Variants in GAB1 observed in about 807,000 individuals in gnomAD.
GAB1 encodes the protein GRB2-associated-binding protein 1.
In GAB1, 19 loss-of-function variants were observed where a neutral mutation model predicts 66.5. The observed-to-expected ratio is 0.29, with a 90% CI of 0.20 to 0.42. The LOEUF (loss-of-function observed/expected upper bound fraction) is 0.42. GAB1 is among the 10% of genes least tolerant of loss of function. The probability of loss-of-function intolerance (pLI) is 1.00; values close to 1 mark genes in which losing one functional copy is unlikely to be tolerated. For synonymous variants in GAB1, 294 were observed against 301.4 expected, an observed-to-expected ratio of 0.98 and a Z score of 0.25; for missense variants, 732 against 858.5, an observed-to-expected ratio of 0.85 and a Z score of 1.84.
intron 6 of GAB1, among the ~76,000 whole-genome samples, chr4:143,452,232 T>C (rs974500037): frequency 1.3e-5 from 2 of 152,136 alleles, no homozygotes; most frequent in Non-Finnish European, 2.9e-5. Flanking sequence ...GCGTAGCCAC[T>C]GTGCGTGGCC....
chr4:143,409,294 A>C (rs1732231400), intron 1 of GAB1, among the ~76,000 whole-genome samples: 1 of 152,038 alleles, frequency 6.6e-6, no homozygotes, highest in South Asian at 2.1e-4. Context: ...GAGGTGAGAG[A>C]TTGGAGAGAT....
At position 143,467,263 on chromosome 4, in the gene GAB1, TTCC is replaced by T. The variant is rs1735840704; in HGVS notation, c.1926+1039_1926+1041del. Among the ~76,000 whole-genome samples the T allele has an allele frequency of 2.6e-5, 4 of 152,360 alleles. No individual in the cohort carries two copies. In the South Asian group the frequency reaches 8.3e-4, roughly 32 times the overall value. ...AAAATTGCTGTCAGTCTAATTGTAATTCCCTTGTAGATAATGTCTTTTCTGACT... is the reference window on the plus strand; with the variant it reads ...AAAATTGCTGTCAGTCTAATTGTAATCTTGTAGATAATGTCTTTTCTGACT... On this transcript the variant is annotated intron_variant, in intron 9 of 9. Transcript: ENST00000262994.
At chr4:143,355,638 T>G (rs1316420992) in intron 1 of GAB1, among the ~76,000 whole-genome samples, 1 of 152,118 alleles carries the variant, frequency 6.6e-6, no homozygotes, top group Non-Finnish European at 1.5e-5. Context: ...GTTTGCTCCT[T>G]CACAGTAGTA....
At chr4:143,368,719 CTTT>C (rs1051248401) in intron 1 of GAB1, among the ~76,000 whole-genome samples, 1 of 152,048 alleles carries the variant, frequency 6.6e-6, no homozygotes, top group African/African-American at 2.4e-5. Context: ...CTCACCTGCT[CTTT>C]TGTTTGCTTG....
intron 1 of GAB1, among the ~76,000 whole-genome samples, chr4:143,379,026 G>A (rs1393621257): frequency 2.0e-5 from 3 of 152,096 alleles, no homozygotes; most frequent in African/African-American, 7.2e-5. Flanking sequence ...CCCCAAACCC[G>A]AGGAGCTTTT....
At chr4:143,432,058 C>G (rs1733686814) in intron 2 of GAB1, among the ~76,000 whole-genome samples, 1 of 152,274 alleles carries the variant, frequency 6.6e-6, no homozygotes, top group Admixed American at 6.5e-5. Flanking sequence ...AAAAAGATGC[C>G]TGGGGAAGAA....
At position 143,469,553 on chromosome 4, in the gene GAB1, C is replaced by T. The variant is rs1395683024; in HGVS notation, c.*364C>T. 5.4e-6 allele frequency: 1 copy of T among 185,336 alleles called. No individual in the cohort carries two copies. The highest frequency in any genetic ancestry group is 1.2e-5 in the Non-Finnish European group (1 of 85,758). The allele number at this position is 185,336 out of a possible 1,614,324, so 11.5% of individuals were successfully genotyped here. On this transcript the variant is annotated 3_prime_UTR_variant, in exon 10 of 10. Transcript: ENST00000262994. ...TTGGGAGTTCTTGTTTTTTGTCACACTACTTTATATAACAATACTAAGTCA... is the reference window on the plus strand; with the variant it reads ...TTGGGAGTTCTTGTTTTTTGTCACATTACTTTATATAACAATACTAAGTCA...
intron 6 of GAB1, among the ~76,000 whole-genome samples, chr4:143,445,336 G>A (rs1734450868): frequency 6.6e-6 from 1 of 152,136 alleles, no homozygotes; most frequent in African/African-American, 2.4e-5. Flanking sequence ...GCATTTCTCT[G>A]ATGATTAGTG....
rs1403030625 is a variant in GAB1 at position 143,474,464 on chromosome 4, G to C, written c.*5275G>C. On this transcript the variant is annotated 3_prime_UTR_variant, in exon 10 of 10. Transcript: ENST00000262994. ...AACTTGGTGAGGCTATGGCGCCCAT[G>C]TGTTTGGTCAAACACTAGCCTAGAT... is the stretch of plus-strand genomic sequence containing the variant. The C allele has an allele frequency of 6.6e-6, 1 of 152,214 alleles. No individual in the cohort carries two copies. Among genetic ancestry groups the C allele is most frequent in the East Asian group, 1.9e-4 (1 of 5,202 alleles). 9.4% of individuals were successfully genotyped at this position (152,214 alleles called of 1,614,324 possible).
intron 1 of GAB1, among the ~76,000 whole-genome samples, chr4:143,409,693 A>G (rs947060132): frequency 2.0e-5 from 3 of 152,090 alleles, no homozygotes; most frequent in Non-Finnish European, 4.4e-5. Context: ...TGGGGAGGAA[A>G]GGGGAAGGTT....
chr4:143,426,796 AC>A (rs543812091), intron 2 of GAB1, among the ~76,000 whole-genome samples: 130 of 152,372 alleles, frequency 8.5e-4, no homozygotes, highest in African/African-American at 3.1e-3. Context: ...AGCTAAATAA[AC>A]ATGCTTGTGG....
intron 1 of GAB1, among the ~76,000 whole-genome samples, chr4:143,344,579 T>C (rs2149642663): frequency 6.6e-6 from 1 of 152,324 alleles, no homozygotes; most frequent in East Asian, 1.9e-4. Flanking sequence ...AGTGGCCCAT[T>C]GTACTGTGGA....
Position 143,337,079 on chromosome 4 carries a change from G to A in GAB1, c.-110G>A. On this transcript the variant is annotated 5_prime_UTR_variant, in exon 1 of 10. Transcript: ENST00000262994. ...TCCGCCCAGTCCGTCCGGGGTGCGC[G>A]ACCAGGAGAGCTAGGTTCTCGCCAC... 1 of 921,760 alleles carries A rather than the reference G, an allele frequency of 1.1e-6. No individual in the cohort carries two copies. The allele number at this position is 921,760 out of a possible 1,614,324, so 57.1% of individuals were successfully genotyped here.
intron 3 of GAB1, among the ~76,000 whole-genome samples, chr4:143,436,616 G>T (rs1350406872): frequency 6.6e-6 from 1 of 152,126 alleles, no homozygotes; most frequent in African/African-American, 2.4e-5. Context: ...AAGAAGAAGG[G>T]CTCGGTGCCT....
At chr4:143,419,872 A>T (rs980674973) in intron 2 of GAB1, among the ~76,000 whole-genome samples, 23 of 152,274 alleles carry the variant, frequency 1.5e-4, no homozygotes, top group Middle Eastern at 3.4e-3. Flanking sequence ...TGTAGTATTA[A>T]GCAGCCAAAA....
At chr4:143,460,187 ATATT>A (rs1456883127) in intron 7 of GAB1, among the ~76,000 whole-genome samples, 173 bp from the exon 8 acceptor site, 1 of 152,188 alleles carries the variant, frequency 6.6e-6, no homozygotes, top group Non-Finnish European at 1.5e-5. Flanking sequence ...ACAATTATAA[ATATT>A]AGTTATGTGT....
chr4:143,377,992 G>A (rs1389821924), intron 1 of GAB1, among the ~76,000 whole-genome samples: 1 of 152,164 alleles, frequency 6.6e-6, no homozygotes, highest in African/African-American at 2.4e-5. Flanking sequence ...TACACGTGGT[G>A]GCAAAGTTTC....
At chr4:143,367,784 G>A (rs896742358) in intron 1 of GAB1, among the ~76,000 whole-genome samples, 1 of 143,628 alleles carries the variant, frequency 7.0e-6, no homozygotes, top group African/African-American at 2.6e-5. Flanking sequence ...AAGTGCAGTG[G>A]CACAGTCTTG....
intron 1 of GAB1, chr4:143,380,852 C>G (rs550704233): frequency 8.5e-5 from 13 of 152,330 alleles, no homozygotes; most frequent in African/African-American, 3.1e-4. Flanking sequence ...TGCAGCAGCG[C>G]TGAGTGTATG....
Sources: allele counts gnomAD v4.1 joint callset (sites outside exome capture counted in the v4.1 genomes callset), GRCh38; gene constraint gnomAD v4.1.1; transcripts MANE v1.5; gene names NCBI Gene and HGNC (gene_info 2026-07-23, HGNC 2026-07-21).